RASGRP3: variants seen among roughly 807,000 people sequenced by gnomAD.
RASGRP3 encodes the protein ras guanyl-releasing protein 3.
Under a neutral mutation model 82.7 loss-of-function variants are expected in RASGRP3, and 54 were observed. The observed-to-expected ratio is 0.65, with a 90% CI of 0.52 to 0.82. The LOEUF (loss-of-function observed/expected upper bound fraction) is 0.82. Ranked by LOEUF, RASGRP3 falls within the 40% of genes least tolerant of loss-of-function variation. RASGRP3 has a pLI of 0.00. For missense variants in RASGRP3, 861 were observed against 828.9 expected, an observed-to-expected ratio of 1.04 and a Z score of -0.48; for synonymous variants, 309 against 300.5, an observed-to-expected ratio of 1.03 and a Z score of -0.29.
intron 14 of RASGRP3, among the ~76,000 whole-genome samples, chr2:33,550,063 G>T (rs1675216184): frequency 6.6e-6 from 1 of 152,172 alleles, no homozygotes; most frequent in East Asian, 1.9e-4. Flanking sequence ...TTCATAAGTG[G>T]TTGCAATTAA....
intron 6 of RASGRP3, among the ~76,000 whole-genome samples, chr2:33,520,892 T>TA (rs1439968691): frequency 6.6e-6 from 1 of 152,192 alleles, no homozygotes; most frequent in Non-Finnish European, 1.5e-5. Flanking sequence ...ATGTGGACGA[T>TA]ACCTTTCTCA....
At chr2:33,466,849 T>C (rs1292242376) in intron 2 of RASGRP3, among the ~76,000 whole-genome samples, 1 of 152,152 alleles carries the variant, frequency 6.6e-6, no homozygotes, top group African/African-American at 2.4e-5. Context: ...AAAACTTCTA[T>C]GGCTGCTAAG....
chr2:33,445,165 T>A (rs1294328560), intron 1 of RASGRP3, among the ~76,000 whole-genome samples: 3 of 152,218 alleles, frequency 2.0e-5, no homozygotes, highest in Non-Finnish European at 2.9e-5. Flanking sequence ...TCAGCTGGTG[T>A]GATAAAGATA....
At chr2:33,478,650 G>A (rs971161611) in intron 1 of RASGRP3, among the ~76,000 whole-genome samples, 2 of 152,342 alleles carry the variant, frequency 1.3e-5, no homozygotes, top group South Asian at 2.1e-4. Context: ...TTTACTTGCA[G>A]ATAGTACATC....
At chr2:33,534,205 C>A in intron 10 of RASGRP3, 118 bp from the exon 11 acceptor site, 2 of 685,570 alleles carry the variant, frequency 2.9e-6, no homozygotes, top group Non-Finnish European at 2.6e-6. Context: ...TATTGTTCTG[C>A]ATTTACTCAA....
intron 1 of RASGRP3, among the ~76,000 whole-genome samples, chr2:33,444,717 T>G (rs75819198): frequency 0.031 from 4,725 of 152,314 alleles, 200 homozygotes; most frequent in African/African-American, 0.1. Context: ...TTTTGGAGAT[T>G]TGGCTTATTA....
chr2:33,500,419 G>T (rs140414304), intron 1 of RASGRP3, among the ~76,000 whole-genome samples: 2,182 of 152,170 alleles, frequency 0.014, 50 homozygotes, highest in African/African-American at 0.05. Context: ...TGGGCCAGGG[G>T]ATACGGGATG....
intron 1 of RASGRP3, among the ~76,000 whole-genome samples, chr2:33,497,027 C>T (rs1197620811): frequency 6.6e-6 from 1 of 152,168 alleles, no homozygotes; most frequent in Non-Finnish European, 1.5e-5. Context: ...TTAATGGTAG[C>T]TTTTTTTCTT....
chr2:33,544,723 G>A (rs1241091898), intron 13 of RASGRP3, among the ~76,000 whole-genome samples: 1 of 152,214 alleles, frequency 6.6e-6, no homozygotes, highest in Non-Finnish European at 1.5e-5. Context: ...AGCCGGATGC[G>A]ATACCTCACA....
At chr2:33,502,422 T>C (rs1387341567) in intron 1 of RASGRP3, among the ~76,000 whole-genome samples, 3 of 152,136 alleles carry the variant, frequency 2.0e-5, no homozygotes, top group Non-Finnish European at 4.4e-5. Flanking sequence ...ATTGATTAAT[T>C]CCTCCTTTTA....
chr2:33,557,659 G>C (rs983452308), intron 15 of RASGRP3, among the ~76,000 whole-genome samples: 1 of 150,860 alleles, frequency 6.6e-6, no homozygotes, highest in Non-Finnish European at 1.5e-5. Context: ...GCAGTGAGCC[G>C]AGATCCCGCC....
intron 11 of RASGRP3, among the ~76,000 whole-genome samples, chr2:33,536,701 TTCTG>T (rs1369184799): frequency 6.6e-6 from 1 of 152,238 alleles, no homozygotes; most frequent in East Asian, 1.9e-4. Context: ...CCCAGTCTCT[TTCTG>T]TCTCTTCTCT....
intron 1 of RASGRP3, among the ~76,000 whole-genome samples, chr2:33,483,513 G>A (rs1668115881): frequency 7.3e-6 from 1 of 136,218 alleles, no homozygotes; most frequent in African/African-American, 2.7e-5. Flanking sequence ...TTTTGAGACG[G>A]ATTCTCACTT....
At chr2:33,514,262 G>A (rs916475424) in intron 2 of RASGRP3, among the ~76,000 whole-genome samples, 1 of 152,064 alleles carries the variant, frequency 6.6e-6, no homozygotes, top group Non-Finnish European at 1.5e-5. Context: ...TGTAATCATT[G>A]AGGATGTTTA....
intron 1 of RASGRP3, among the ~76,000 whole-genome samples, chr2:33,441,874 T>C (rs1665243382): frequency 6.6e-6 from 1 of 152,212 alleles, no homozygotes. Flanking sequence ...TAAAAGACTA[T>C]TCATAACAGA....
intron 17 of RASGRP3, 70 bp from the exon 18 acceptor site, chr2:33,562,659 G>C: frequency 1.3e-6 from 2 of 1,551,578 alleles, no homozygotes; most frequent in African/African-American, 1.4e-5. Flanking sequence ...CTGAAAAACT[G>C]CTTTCTAGGA....
chr2:33,464,902 C>T (rs912755066), intron 2 of RASGRP3, among the ~76,000 whole-genome samples: 5 of 152,172 alleles, frequency 3.3e-5, no homozygotes, highest in Admixed American at 3.3e-4. Context: ...GCCATTTCCC[C>T]ACCTCTCTTC....
intron 9 of RASGRP3, among the ~76,000 whole-genome samples, chr2:33,526,818 T>A (rs1204941727): frequency 6.6e-6 from 1 of 152,244 alleles, no homozygotes; most frequent in Admixed American, 6.5e-5. Context: ...TGCTTGAATT[T>A]GCGGACAGTA....
rs372240212 is a variant in RASGRP3 at position 33,520,668 on chromosome 2, A to G, written c.352A>G (p.Ile118Val). ...QLGYEKHVSL[I>V]DISSIPSYDW... ...AGGATATGAAAAACACGTCAGCCTC[A>G]TCGACATATCCAGCATGTAAGAGTG... is the stretch of plus-strand genomic sequence containing the variant. Residue 118 changes from isoleucine to valine, a missense_variant, in exon 6 of 18, where the codon ATC (isoleucine) becomes GTC (valine). Transcript: ENST00000403687. The G allele has an allele frequency of 4.3e-6, 7 of 1,613,852 alleles. No homozygotes were observed. Among genetic ancestry groups the G allele is most frequent in the Non-Finnish European group, 5.9e-6 (7 of 1,179,860 alleles).
Sources: allele counts gnomAD v4.1 joint callset (sites outside exome capture counted in the v4.1 genomes callset), GRCh38; gene constraint gnomAD v4.1.1; transcripts MANE v1.5; gene names NCBI Gene and HGNC (gene_info 2026-07-23, HGNC 2026-07-21).